ZNF268: variants seen among roughly 807,000 people sequenced by gnomAD.
The protein encoded by ZNF268 is zinc finger protein 3.
ZNF268 carries 20 observed loss-of-function variants against 29.3 expected under a neutral mutation model. The ratio of observed to expected loss-of-function variants is 0.68; its 90% CI spans 0.48 to 0.99. ZNF268 has a LOEUF of 0.99. Ranked by LOEUF, ZNF268 falls within the 50% of genes least tolerant of loss-of-function variation. The pLI, the probability that ZNF268 is intolerant of heterozygous loss-of-function variation, is 0.00. For missense variants in ZNF268, 1,240 were observed against 1,121.6 expected (o/e 1.11, Z -1.51); for synonymous variants, 429 against 376.9 (o/e 1.14, Z -1.60).
At position 133,204,508 on chromosome 12, in the gene ZNF268, C is replaced by T. The variant is rs1956849606; in HGVS notation, c.2822C>T (p.Thr941Ile). The change falls in exon 6 of 6, where the codon ACT becomes ATT. Residue 941 changes from threonine to isoleucine, a missense_variant. Physicochemically the swap from Thr to Ile is moderately conservative, Grantham distance 89. Coordinates refer to ENST00000536435, the MANE Select transcript of ZNF268 (RefSeq NM_003415.3). ...WKSQLIMHQR[T>I]HVDDKH ...TCACAGCTCATTATGCATCAGAGAA[C>T]TCATGTAGATGACAAACATTGATAA... The T allele has an allele frequency of 1.3e-5, 19 of 1,515,944 alleles. No individual in the cohort carries two copies. Among genetic ancestry groups the T allele is most frequent in the Non-Finnish European group, 1.6e-5 (18 of 1,138,554 alleles). 93.9% of individuals were successfully genotyped at this position (1,515,944 alleles called of 1,614,324 possible).
rs181186815 is a variant in ZNF268, at chr12:133,192,129, A to G, written c.457+126A>G. Reference sequence around the variant, plus strand: ...GCACTTTTTTTTTTTTTTTTTTGAGACAGAGTTTCACTTTGTTGCCCAGGC... The same window carrying G: ...GCACTTTTTTTTTTTTTTTTTTGAGGCAGAGTTTCACTTTGTTGCCCAGGC... On this transcript the variant is annotated intron_variant, in intron 5 of 5. Transcript: ENST00000536435. 4.5e-5 allele frequency: 30 copies of G among 670,310 alleles called. No homozygotes were observed. The Middle Eastern group carries it at 1.0e-3, about 23-fold the overall frequency. 41.5% of individuals were successfully genotyped at this position (670,310 alleles called of 1,614,324 possible).
intron 2 of ZNF268, among the ~76,000 whole-genome samples, chr12:133,183,093 C>T (rs1236989995): frequency 6.6e-6 from 1 of 152,184 alleles, no homozygotes; most frequent in East Asian, 1.9e-4. Flanking sequence ...AGGTTGCGCA[C>T]TTCTTATGGG....
At position 133,211,372 on chromosome 12, in the gene ZNF268, C is replaced by G. The variant is rs146121595; in HGVS notation, c.*6842C>G. The G allele has an allele frequency of 2.4e-5, 7 of 291,338 alleles. No homozygotes were observed. The highest frequency in any genetic ancestry group is 4.0e-5 in the Non-Finnish European group (6 of 148,288). The allele number at this position is 291,338 out of a possible 1,614,324, so 18.0% of individuals were successfully genotyped here. ...CGAGGCGGGCAGATCACCTGAGGTC[C>G]GGAGTTCGAGACCAGCCTGACCAAC... On this transcript the variant is annotated 3_prime_UTR_variant, in exon 6 of 6. Coordinates refer to ENST00000536435, the MANE Select transcript of ZNF268 (RefSeq NM_003415.3).
chr12:133,196,287 A>C, intron 5 of ZNF268, among the ~76,000 whole-genome samples: 1 of 140,366 alleles, frequency 7.1e-6, no homozygotes, highest in Non-Finnish European at 1.5e-5. Context: ...ACACCACTGC[A>C]CTCCAGCCTG....
Position 133,203,437 on chromosome 12 carries a change from A to G in ZNF268, c.1751A>G (p.Tyr584Cys), listed in dbSNP as rs1956808233. 2 of 1,543,138 alleles carry G rather than the reference A, an allele frequency of 1.3e-6. No individual in the cohort carries two copies. Among genetic ancestry groups the G allele is most frequent in the Non-Finnish European group, 8.7e-7 (1 of 1,148,992 alleles). ...AGAACTCATGCAGGAGAGAAGCCTTATGAATGCACCGACTGTGGAAAGGCT... is the reference window on the plus strand; with the variant it reads ...AGAACTCATGCAGGAGAGAAGCCTTGTGAATGCACCGACTGTGGAAAGGCT... ...HQRTHAGEKP[Y>C]ECTDCGKAFG... Residue 584 changes from tyrosine to cysteine, a missense_variant, in exon 6 of 6, where the codon TAT (tyrosine) becomes TGT (cysteine). By Grantham distance (194) the Tyr-to-Cys change is radical. Around this residue, in one of 3 missense-constraint regions of ZNF268, gnomAD observed 1,177 missense variants for 1,039.6 expected, o/e 1.13. Coordinates refer to ENST00000536435, the MANE Select transcript of ZNF268 (RefSeq NM_003415.3).
Position 133,191,086 on chromosome 12 carries a change from A to T in ZNF268, c.235-403A>T, listed in dbSNP as rs1185471426. On this transcript the variant is annotated intron_variant, in intron 3 of 5. Coordinates refer to ENST00000536435, the MANE Select transcript of ZNF268 (RefSeq NM_003415.3). ...AATCCTAGCACTTTGGGAGGCCGAGATGGGCAGATCACAAAGTCAGGAGAT... is the reference window on the plus strand; with the variant it reads ...AATCCTAGCACTTTGGGAGGCCGAGTTGGGCAGATCACAAAGTCAGGAGAT... Among the ~76,000 whole-genome samples the T allele has an allele frequency of 2.0e-5, 3 of 151,998 alleles. No homozygotes were observed. In the South Asian group the frequency reaches 6.2e-4, roughly 32 times the overall value.
Position 133,191,565 on chromosome 12 carries a change from G to A in ZNF268, c.311G>A (p.Cys104Tyr), listed in dbSNP as rs1364887146. 2 of 1,614,088 alleles carry A rather than the reference G, an allele frequency of 1.2e-6. No individual in the cohort carries two copies. The highest frequency in any genetic ancestry group is 2.2e-5 in the South Asian group (2 of 91,086). Residue 104 changes from cysteine (C) to tyrosine (Y), a missense_variant, in exon 4 of 6, where the codon TGC becomes TAC. Physicochemically the swap from Cys to Tyr is radical, Grantham distance 194 (BLOSUM62 -2). Around this residue, in one of 3 missense-constraint regions of ZNF268, gnomAD observed 1,177 missense variants for 1,039.6 expected, o/e 1.13. Coordinates refer to ENST00000536435, the MANE Select transcript of ZNF268 (RefSeq NM_003415.3). ...EWQLLDPAQKCLYRSVMLENY... is the reference protein window; with the variant it reads ...EWQLLDPAQKYLYRSVMLENY... ...CAGCTGCTAGACCCAGCACAGAAGT[G>A]CCTGTACAGGAGTGTGATGTTGGAG...
In ZNF268 at chr12:133,210,967, G is replaced by C; in HGVS notation, c.*6437G>C. 2.2e-6 allele frequency: 1 copy of C among 455,994 alleles called. No individual in the cohort carries two copies. The highest frequency in any genetic ancestry group is 4.4e-6 in the Non-Finnish European group (1 of 226,802). 28.2% of individuals were successfully genotyped at this position (455,994 alleles called of 1,614,324 possible). A position where few individuals can be genotyped will look rare whatever the true frequency, so the allele number is the denominator to read the frequency against. ...ATGTGCCCCCTCTTGCAGTCCCAGT[G>C]AACCCCTGAAATTCAATCTTACGAT... On this transcript the variant is annotated 3_prime_UTR_variant, in exon 6 of 6. Coordinates refer to ENST00000536435, the MANE Select transcript of ZNF268 (RefSeq NM_003415.3).
chr12:133,203,409 C>G lies in ZNF268; in HGVS notation c.1723C>G (p.Gln575Glu), dbSNP rs780584378. 9 of 1,544,614 alleles carry G rather than the reference C, an allele frequency of 5.8e-6. No homozygotes were observed. Among genetic ancestry groups the G allele is most frequent in the Non-Finnish European group, 7.0e-6 (8 of 1,149,732 alleles). ...TCGGAAATACCAGCTTATTTCACAC[C>G]AGAGAACTCATGCAGGAGAGAAGCC... The part of the protein sequence containing the change: ...FSRKYQLISH[Q>E]RTHAGEKPYE... Residue 575 changes from glutamine to glutamate, a missense_variant, in exon 6 of 6, where the codon CAG (glutamine) becomes GAG (glutamate). Around this residue, in one of 3 missense-constraint regions of ZNF268, gnomAD observed 1,177 missense variants for 1,039.6 expected, o/e 1.13. Transcript: ENST00000536435.
At chr12:133,183,816 A>G (rs1317264122) in intron 2 of ZNF268, among the ~76,000 whole-genome samples, 1 of 152,204 alleles carries the variant, frequency 6.6e-6, no homozygotes, top group African/African-American at 2.4e-5. Context: ...ATGACAAGAG[A>G]AAGCAGGGGA....
Position 133,213,811 on chromosome 12 carries a change from A to C in ZNF268, c.*9281A>C, listed in dbSNP as rs1415179008. On this transcript the variant is annotated 3_prime_UTR_variant, in exon 6 of 6. Transcript: ENST00000536435. ...TCAGGAGATCGAAACCATCCTGGCT[A>C]ATGTGGTGAAACCCTGTCTCTACAA... is the stretch of plus-strand genomic sequence containing the variant. The C allele has an allele frequency of 6.6e-6, 1 of 152,154 alleles. No individual in the cohort carries two copies. Among genetic ancestry groups the C allele is most frequent in the Non-Finnish European group, 1.5e-5 (1 of 68,032 alleles). 9.4% of individuals were successfully genotyped at this position (152,154 alleles called of 1,614,324 possible). A position where few individuals can be genotyped will look rare whatever the true frequency, so the allele number is the denominator to read the frequency against.
intron 5 of ZNF268, 110 bp downstream of exon 5, chr12:133,192,113 T>G (rs1956490996): frequency 1.1e-6 from 1 of 870,272 alleles, no homozygotes; most frequent in African/African-American, 1.7e-5. Flanking sequence ...TGCACTTTTT[T>G]TTTTTTTTTT....
Position 133,210,891 on chromosome 12 carries a change from A to C in ZNF268, c.*6361A>C. The C allele has an allele frequency of 2.2e-6, 1 of 456,064 alleles. No individual in the cohort carries two copies. Among genetic ancestry groups the C allele is most frequent in the Non-Finnish European group, 4.4e-6 (1 of 226,798 alleles). The allele number at this position is 456,064 out of a possible 1,614,324, so 28.3% of individuals were successfully genotyped here. Reference sequence around the variant, plus strand: ...AGGTGTGTGCTTGCACCCCTTCCTTACTACCTAGGCACAGTGTTGGATGGT... The same window carrying C: ...AGGTGTGTGCTTGCACCCCTTCCTTCCTACCTAGGCACAGTGTTGGATGGT... On this transcript the variant is annotated 3_prime_UTR_variant, in exon 6 of 6. Coordinates refer to ENST00000536435, the MANE Select transcript of ZNF268 (RefSeq NM_003415.3).
At chr12:133,184,312 G>C (rs1224120463) in intron 2 of ZNF268, among the ~76,000 whole-genome samples, 2 of 151,386 alleles carry the variant, frequency 1.3e-5, no homozygotes, top group Non-Finnish European at 2.9e-5. Flanking sequence ...TCATTGTGTT[G>C]GCCACAATGA....
At chr12:133,193,079 A>T (rs148457258) in intron 5 of ZNF268, among the ~76,000 whole-genome samples, 1 of 152,264 alleles carries the variant, frequency 6.6e-6, no homozygotes, top group Non-Finnish European at 1.5e-5. Flanking sequence ...ATGACCGAGC[A>T]CTTTTTCCCT....
intron 2 of ZNF268, among the ~76,000 whole-genome samples, chr12:133,186,928 C>T (rs568317808): frequency 7.9e-5 from 12 of 152,252 alleles, no homozygotes; most frequent in East Asian, 1.9e-4. Flanking sequence ...GCTTTCTGTA[C>T]GTACTATTCT....
At position 133,204,123 on chromosome 12, in the gene ZNF268, T is replaced by C. The variant is rs755132414; in HGVS notation, c.2437T>C (p.Cys813Arg). Reference protein sequence around the residue: ...SGEKPYECNECGKAFIWKSLL... With the variant: ...SGEKPYECNERGKAFIWKSLL... Reference sequence around the variant, plus strand: ...TGAAAAACCATATGAATGTAATGAATGTGGGAAAGCCTTCATTTGGAAATC... The same window carrying C: ...TGAAAAACCATATGAATGTAATGAACGTGGGAAAGCCTTCATTTGGAAATC... The change falls in exon 6 of 6, where the codon TGT becomes CGT. Residue 813 changes from cysteine (C) to arginine (R), a missense_variant. Physicochemically the swap from Cys to Arg is radical, Grantham distance 180. This residue lies in a region of ZNF268 where 1,177 missense variants were observed against 1,039.6 expected (regional missense o/e 1.13). Transcript: ENST00000536435. 24 of 1,544,798 alleles carry C rather than the reference T, an allele frequency of 1.6e-5. No homozygotes were observed. Among genetic ancestry groups the C allele is most frequent in the South Asian group, 2.4e-5 (2 of 84,248 alleles).
chr12:133,188,467 G>C (rs1015088298), intron 3 of ZNF268, among the ~76,000 whole-genome samples: 8 of 152,162 alleles, frequency 5.3e-5, no homozygotes, highest in Admixed American at 2.0e-4. Context: ...GAGGTGCTGG[G>C]ATGACAGTCA....
intron 5 of ZNF268, among the ~76,000 whole-genome samples, chr12:133,192,554 C>G (rs141022723): frequency 1.1e-4 from 16 of 152,262 alleles, no homozygotes; most frequent in Non-Finnish European, 2.1e-4. Flanking sequence ...CCTTTCCTTT[C>G]TACATTTTGA....
Sources: allele counts gnomAD v4.1 joint callset (sites outside exome capture counted in the v4.1 genomes callset), GRCh38; gene constraint gnomAD v4.1.1; regional missense constraint gnomAD v4.1.1; transcripts MANE v1.5; gene names NCBI Gene and HGNC (gene_info 2026-07-23, HGNC 2026-07-21).